The following KLF16 variants were observed in gnomAD, a reference collection of about 807,000 sequenced individuals.
KLF16 encodes Krueppel-like factor 16.
In KLF16, 6 loss-of-function variants were observed where a neutral mutation model predicts 6.1. The observed-to-expected ratio is 0.98, with a 90% CI of 0.54 to 1.93. The LOEUF (loss-of-function observed/expected upper bound fraction) is 1.93, where lower values mean the gene tolerates loss of function less well. KLF16 is among the 30% of genes most tolerant of loss of function. The probability of loss-of-function intolerance (pLI) is 0.01; values close to 1 mark genes in which losing one functional copy is unlikely to be tolerated. For synonymous variants in KLF16, 211 were observed against 176.5 expected, an observed-to-expected ratio of 1.20 and a Z score of -1.55; for missense variants, 355 against 363.8, an observed-to-expected ratio of 0.98 and a Z score of 0.20.
chr19:1,861,385 C>G (rs2145368613), intron 1 of KLF16: 1 of 152,392 alleles, frequency 6.6e-6, no homozygotes, highest in South Asian at 2.1e-4. Context: ...AACTTACCCC[C>G]AAAAAGCCAG....
chr19:1,855,594 C>T (rs1436343154), intron 1 of KLF16, among the ~76,000 whole-genome samples: 2 of 152,246 alleles, frequency 1.3e-5, no homozygotes, highest in Non-Finnish European at 2.9e-5. Flanking sequence ...CCAGCCGTCA[C>T]CATCTGGGCC....
chr19:1,857,400 C>G lies in KLF16; in HGVS notation c.458-2640G>C, dbSNP rs1191701642. Among the ~76,000 whole-genome samples the G allele has an allele frequency of 6.6e-6, 1 of 152,160 alleles. No individual in the cohort carries two copies. The highest frequency in any genetic ancestry group is 1.5e-5 in the Non-Finnish European group (1 of 68,016). On this transcript the variant is annotated intron_variant, in intron 1 of 1. Transcript: ENST00000250916. The surrounding 1 kb of genome is among the most constrained non-coding windows in gnomAD (Gnocchi z 4.7). Reference sequence around the variant, plus strand: ...GCCGAGACGCAGCGCCCTGAGGATGCGGTGGGTGGGGACAACGCGGGAGGG... The same window carrying G: ...GCCGAGACGCAGCGCCCTGAGGATGGGGTGGGTGGGGACAACGCGGGAGGG...
chr19:1,870,782 G>A, the KLF16 span, among the ~76,000 whole-genome samples: 1 of 152,168 alleles, frequency 6.6e-6, no homozygotes, highest in Non-Finnish European at 1.5e-5. Flanking sequence ...GGTCACCTGA[G>A]GTCAGGAGTT....
chr19:1,869,055 CAT>C, the KLF16 span, among the ~76,000 whole-genome samples: 1 of 152,082 alleles, frequency 6.6e-6, no homozygotes, highest in Non-Finnish European at 1.5e-5. Flanking sequence ...ACTCAAGAGA[CAT>C]AAGGATGAAA....
chr19:1,857,150 G>A lies in KLF16; in HGVS notation c.458-2390C>T, dbSNP rs1336823083. ...CTGCCAGCCCCGCCCCGCGCTTGGA[G>A]ACTGAGGCGCGCACATGCGCACGTG... On this transcript the variant is annotated intron_variant, in intron 1 of 1. Transcript: ENST00000250916. The surrounding 1 kb of genome is among the most constrained non-coding windows in gnomAD (Gnocchi z 4.7). Among the ~76,000 whole-genome samples the A allele has an allele frequency of 6.6e-6, 1 of 152,172 alleles. No homozygotes were observed. The highest frequency in any genetic ancestry group is 1.5e-5 in the Non-Finnish European group (1 of 68,012).
At chr19:1,864,987 T>G (rs2145372662), upstream of KLF16, among the ~76,000 whole-genome samples, 1 of 152,306 alleles carries the variant, frequency 6.6e-6, no homozygotes, top group South Asian at 2.1e-4. Context: ...CCTGACCCGA[T>G]TCGGGGCTTC....
chr19:1,865,251 C>A (rs79517162), upstream of KLF16, among the ~76,000 whole-genome samples: 6,085 of 152,316 alleles, frequency 0.04, 183 homozygotes, highest in East Asian at 0.083. Context: ...GCTCCAGAGC[C>A]CTCTCTGCAC....
the KLF16 span, among the ~76,000 whole-genome samples, chr19:1,873,983 G>C: frequency 1.9e-4 from 29 of 152,248 alleles, no homozygotes; most frequent in Non-Finnish European, 5.9e-5. Context: ...GGCCAGCATC[G>C]CGCACCGTGA....
At position 1,858,746 on chromosome 19, in the gene KLF16, C is replaced by T. The variant is rs572638141; in HGVS notation, c.458-3986G>A. ...CCTGAGGCCCAACCCAGGCCAGGACCTCCTGCACCAGACTCTGGGTACCTG... is the reference window on the plus strand; with the variant it reads ...CCTGAGGCCCAACCCAGGCCAGGACTTCCTGCACCAGACTCTGGGTACCTG... On this transcript the variant is annotated intron_variant, in intron 1 of 1. Transcript: ENST00000250916. 3.3e-5 allele frequency among the ~76,000 whole-genome samples: 5 copies of T among 152,132 alleles called. No homozygotes were observed. In the South Asian group the frequency reaches 6.2e-4, roughly 19 times the overall value.
intron 1 of KLF16, among the ~76,000 whole-genome samples, chr19:1,855,621 G>A (rs530813718): frequency 3.3e-5 from 5 of 152,366 alleles, no homozygotes; most frequent in South Asian, 2.1e-4. Context: ...TGCGCCTCCA[G>A]GCGGTGTGGG....
the KLF16 span, among the ~76,000 whole-genome samples, chr19:1,874,369 G>A: frequency 1.3e-5 from 2 of 152,062 alleles, no homozygotes; most frequent in African/African-American, 4.8e-5. Flanking sequence ...ACTTCAGTGG[G>A]GAAAAGAATG....
chr19:1,865,067 GC>G (rs1410202065), upstream of KLF16, among the ~76,000 whole-genome samples: 4 of 152,222 alleles, frequency 2.6e-5, no homozygotes, highest in Non-Finnish European at 2.9e-5. Flanking sequence ...TCCCTGGGTC[GC>G]CCGCACTGCG....
chr19:1,863,499 C>A lies in KLF16; in HGVS notation c.-2G>T. On this transcript the variant is annotated 5_prime_UTR_variant, in exon 1 of 2. Coordinates refer to ENST00000250916, the MANE Select transcript of KLF16 (RefSeq NM_031918.4). Reference sequence around the variant, plus strand: ...CACGCACGCCACGGCCGCCGACATGCCGAGCAAGGGCGCGCGGCGCGGCGG... The same window carrying A: ...CACGCACGCCACGGCCGCCGACATGACGAGCAAGGGCGCGCGGCGCGGCGG... 1 of 1,012,200 alleles carries A rather than the reference C, an allele frequency of 9.9e-7. No homozygotes were observed. Among genetic ancestry groups the A allele is most frequent in the South Asian group, 3.5e-5 (1 of 28,398 alleles). 62.7% of individuals were successfully genotyped at this position (1,012,200 alleles called of 1,614,324 possible). A position where few individuals can be genotyped will look rare whatever the true frequency, so the allele number is the denominator to read the frequency against.
chr19:1,856,963 G>GGGGGGGC lies in KLF16; in HGVS notation c.458-2204_458-2203insGCCCCCC, dbSNP rs1466347651. On this transcript the variant is annotated intron_variant, in intron 1 of 1. Transcript: ENST00000250916. ...GGAGCAGGTTGCCGGGGTGGGGGGG[G>GGGGGGGC]CGACCGGGGCAGGGGCGCGCAGCCG... Among the ~76,000 whole-genome samples the GGGGGGGC allele has an allele frequency of 2.6e-5, 3 of 117,400 alleles. 1 individual carries two copies. Among genetic ancestry groups the GGGGGGGC allele is most frequent in the African/African-American group, 8.9e-5 (2 of 22,534 alleles). The allele number at this position is 117,400 out of a possible 152,430, so 77.0% of individuals were successfully genotyped here. A position where few individuals can be genotyped will look rare whatever the true frequency, so the allele number is the denominator to read the frequency against.
At chr19:1,864,172 G>A (rs2012142323), upstream of KLF16, among the ~76,000 whole-genome samples, 1 of 149,918 alleles carries the variant, frequency 6.7e-6, no homozygotes, top group African/African-American at 2.5e-5. Context: ...CTTCCCTCCT[G>A]GCCCCGGGCG....
chr19:1,854,812 G>A (rs983568408), intron 1 of KLF16, 52 bp from the exon 2 acceptor site: 6 of 1,573,992 alleles, frequency 3.8e-6, no homozygotes, highest in Admixed American at 3.4e-5. Context: ...GGGGGGAGAT[G>A]ACAGACACGT....
At chr19:1,859,865 G>A (rs1045672100) in intron 1 of KLF16, among the ~76,000 whole-genome samples, 1 of 152,122 alleles carries the variant, frequency 6.6e-6, no homozygotes, top group Non-Finnish European at 1.5e-5. Flanking sequence ...GGACATTTGT[G>A]ATTGTCACGA....
chr19:1,872,717 G>A, the KLF16 span, among the ~76,000 whole-genome samples: 7 of 152,024 alleles, frequency 4.6e-5, no homozygotes, highest in Non-Finnish European at 8.8e-5. Flanking sequence ...GCTGGGAGAC[G>A]CCGAGTGCCG....
rs1341591842 is a variant in KLF16, at chr19:1,857,415, A to G, written c.458-2655T>C. Among the ~76,000 whole-genome samples the G allele has an allele frequency of 6.6e-6, 1 of 152,104 alleles. No individual in the cohort carries two copies. Among genetic ancestry groups the G allele is most frequent in the African/African-American group, 2.4e-5 (1 of 41,424 alleles). ...CCTGAGGATGCGGTGGGTGGGGACA[A>G]CGCGGGAGGGCAGTGTGGGCGGGGC... On this transcript the variant is annotated intron_variant, in intron 1 of 1. Coordinates refer to ENST00000250916, the MANE Select transcript of KLF16 (RefSeq NM_031918.4). The surrounding 1 kb of genome is among the most constrained non-coding windows in gnomAD (Gnocchi z 4.7).
Sources: allele counts gnomAD v4.1 joint callset (sites outside exome capture counted in the v4.1 genomes callset), GRCh38; gene constraint gnomAD v4.1.1; non-coding constraint Gnocchi (gnomAD v3.1); transcripts MANE v1.5; gene names NCBI Gene and HGNC (gene_info 2026-07-23, HGNC 2026-07-21).